Variants in ADGB observed in about 807,000 individuals in gnomAD.
ADGB encodes calpain-7-like protein.
ADGB carries 172 observed loss-of-function variants against 210.5 expected under a neutral mutation model. That is an observed-to-expected ratio of 0.82 (90% CI 0.72 to 0.93). The LOEUF is 0.93. ADGB is among the 40% of genes least tolerant of loss of function. ADGB has a pLI of 0.00. For synonymous variants in ADGB, 658 were observed against 662.7 expected, an observed-to-expected ratio of 0.99 and a Z score of 0.11; for missense variants, 2,025 against 1,964.8, an observed-to-expected ratio of 1.03 and a Z score of -0.58.
rs868155823 is a variant in ADGB at position 146,612,245 on chromosome 6, A to G, written c.74+13131A>G. Among the ~76,000 whole-genome samples, 11 of 152,122 alleles carry G rather than the reference A, an allele frequency of 7.2e-5. No individual in the cohort carries two copies. In the South Asian group the frequency reaches 1.2e-3, roughly 17 times the overall value. On this transcript the variant is annotated intron_variant, in intron 1 of 35. Transcript: ENST00000397944. ...TCTTCTTTCCCTTTTGATTGAAACAATTATTCTTTATTTAAGATTACTAAA... is the reference window on the plus strand; with the variant it reads ...TCTTCTTTCCCTTTTGATTGAAACAGTTATTCTTTATTTAAGATTACTAAA...
At position 146,672,321 on chromosome 6, in the gene ADGB, A is replaced by T. The variant is rs766701425; in HGVS notation, c.941A>T (p.Asp314Val). 72 of 1,551,330 alleles carry T rather than the reference A, an allele frequency of 4.6e-5. No individual in the cohort carries two copies. The African/African-American group carries it at 9.3e-4, about 20-fold the overall frequency. ...TCTGAAAGCAAAATAGCAGTGTTAG[A>T]TTCTAAATTAAAAGAACCAGGGAAA... Reference protein sequence around the residue: ...ASSESKIAVLDSKLKEPGKEG... With the variant: ...ASSESKIAVLVSKLKEPGKEG... The change falls in exon 8 of 36, where the codon GAT (aspartate) becomes GTT (valine). Residue 314 changes from aspartate (D) to valine (V), a missense_variant. Asp to Val is a radical substitution (Grantham distance 152). Coordinates refer to ENST00000397944, the MANE Select transcript of ADGB (RefSeq NM_024694.4).
chr6:146,713,070 G>A (rs1776682262), intron 13 of ADGB, among the ~76,000 whole-genome samples: 1 of 152,166 alleles, frequency 6.6e-6, no homozygotes, highest in African/African-American at 2.4e-5. Context: ...TTTCACCCGT[G>A]TTTGTACGTG....
chr6:146,654,271 C>A lies in ADGB; in HGVS notation c.402+65C>A, dbSNP rs1775745305. 7 of 1,094,070 alleles carry A rather than the reference C, an allele frequency of 6.4e-6. No individual in the cohort carries two copies. In the African/African-American group the frequency reaches 7.1e-5, roughly 11 times the overall value. 67.8% of individuals were successfully genotyped at this position (1,094,070 alleles called of 1,614,324 possible). On this transcript the variant is annotated intron_variant, in intron 4 of 35. Coordinates refer to ENST00000397944, the MANE Select transcript of ADGB (RefSeq NM_024694.4). The stretch of plus-strand genomic sequence containing the variant: ...GACTTCCAGTCCTGCTTAAACCATT[C>A]CCAGACAGTCGATTTCAACTCTCCC...
At chr6:146,701,131 A>G (rs1490764837) in intron 13 of ADGB, 61 bp downstream of exon 13, 1 of 1,496,782 alleles carries the variant, frequency 6.7e-7, no homozygotes, top group East Asian at 2.5e-5. Context: ...TTTTCCTTAC[A>G]TTGTGAAACA....
intron 14 of ADGB, among the ~76,000 whole-genome samples, chr6:146,716,211 C>T (rs143247293): frequency 1.3e-3 from 199 of 152,178 alleles, no homozygotes; most frequent in African/African-American, 4.6e-3. Flanking sequence ...TTGTCTGAGC[C>T]ACCCCCTCCT....
At chr6:146,799,673 T>A (rs1314717863) in intron 33 of ADGB, among the ~76,000 whole-genome samples, 1 of 151,782 alleles carries the variant, frequency 6.6e-6, no homozygotes, top group African/African-American at 2.4e-5. Flanking sequence ...TTTGAATATA[T>A]GTACCACTCT....
At chr6:146,617,145 T>C (rs1408880107) in intron 1 of ADGB, among the ~76,000 whole-genome samples, 1 of 152,150 alleles carries the variant, frequency 6.6e-6, no homozygotes, top group African/African-American at 2.4e-5. Flanking sequence ...TAGTTTTCTT[T>C]GTAGAGATCA....
intron 22 of ADGB, among the ~76,000 whole-genome samples, chr6:146,735,047 A>C (rs902404552): frequency 3.9e-5 from 6 of 151,956 alleles, no homozygotes; most frequent in African/African-American, 1.5e-4. Flanking sequence ...GTAAAAAAAA[A>C]AGAATCTATT....
chr6:146,714,390 T>C (rs1776702636), intron 13 of ADGB, among the ~76,000 whole-genome samples: 1 of 152,118 alleles, frequency 6.6e-6, no homozygotes, highest in South Asian at 2.1e-4. Flanking sequence ...GGGAATGGTA[T>C]ATACTTGTCC....
chr6:146,811,541 CAT>C (rs148380031), intron 35 of ADGB, among the ~76,000 whole-genome samples: 48,699 of 151,798 alleles, frequency 0.32, 8,472 homozygotes, highest in East Asian at 0.67. Flanking sequence ...AGATAAAAAT[CAT>C]TGCAAACAAT....
chr6:146,655,891 A>G (rs1458610849), intron 4 of ADGB, among the ~76,000 whole-genome samples: 1 of 152,206 alleles, frequency 6.6e-6, no homozygotes, highest in Non-Finnish European at 1.5e-5. Flanking sequence ...CAAGGTCAAT[A>G]TTAAATATTT....
chr6:146,714,867 T>A (rs555839409), intron 13 of ADGB, among the ~76,000 whole-genome samples: 36 of 152,356 alleles, frequency 2.4e-4, no homozygotes, highest in African/African-American at 8.4e-4. Context: ...TTTTACTTTT[T>A]ATATTTATTT....
At chr6:146,751,071 C>T (rs1173576736) in intron 26 of ADGB, among the ~76,000 whole-genome samples, 2 of 152,012 alleles carry the variant, frequency 1.3e-5, no homozygotes, top group East Asian at 3.9e-4. Context: ...CTATCAAACC[C>T]ATTACCTAGG....
chr6:146,767,349 A>G (rs1562296148), intron 28 of ADGB, among the ~76,000 whole-genome samples: 1 of 152,248 alleles, frequency 6.6e-6, no homozygotes, highest in Non-Finnish European at 1.5e-5. Context: ...AAACTTTAGA[A>G]CTAAGAGATT....
intron 30 of ADGB, among the ~76,000 whole-genome samples, chr6:146,784,338 T>A (rs1777842172): frequency 6.6e-6 from 1 of 152,172 alleles, no homozygotes; most frequent in Non-Finnish European, 1.5e-5. Flanking sequence ...CTGTGGTGTA[T>A]ATCAATAGTT....
At chr6:146,661,999 G>C (rs940072581) in intron 5 of ADGB, among the ~76,000 whole-genome samples, 3 of 152,092 alleles carry the variant, frequency 2.0e-5, no homozygotes, top group African/African-American at 4.8e-5. Context: ...CTGGCTCCTG[G>C]TGAGCAATCT....
chr6:146,603,091 C>A (rs2114821936), intron 1 of ADGB, among the ~76,000 whole-genome samples: 1 of 152,256 alleles, frequency 6.6e-6, no homozygotes, highest in Non-Finnish European at 1.5e-5. Flanking sequence ...AATTACCTCC[C>A]AAGGGCCCCA....
Position 146,715,391 on chromosome 6 carries a change from G to A in ADGB, c.1717G>A (p.Ala573Thr). 3 of 1,497,204 alleles carry A rather than the reference G, an allele frequency of 2.0e-6. No individual in the cohort carries two copies. Among genetic ancestry groups the A allele is most frequent in the Admixed American group, 2.6e-5 (1 of 38,802 alleles). The allele number at this position is 1,497,204 out of a possible 1,614,324, so 92.7% of individuals were successfully genotyped here. Residue 573 changes from alanine (A) to threonine (T), a missense_variant, in exon 14 of 36, where the codon GCT becomes ACT. Coordinates refer to ENST00000397944, the MANE Select transcript of ADGB (RefSeq NM_024694.4). ...TTCTTTTAATTCATAGGGAAATACTGCTTCACAAGTTATACTTGGAAAAGG... is the reference window on the plus strand; with the variant it reads ...TTCTTTTAATTCATAGGGAAATACTACTTCACAAGTTATACTTGGAAAAGG... ...ITKATSQGNT[A>T]SQVILGKGTD...
chr6:146,794,067 G>A (rs928777281), intron 33 of ADGB, among the ~76,000 whole-genome samples: 5 of 152,140 alleles, frequency 3.3e-5, no homozygotes, highest in African/African-American at 1.2e-4. Flanking sequence ...ATATGTAGGG[G>A]TATTAGTTGT....
Sources: gnomAD v4.1 joint callset for allele counts (sites outside exome capture counted in the v4.1 genomes callset) on GRCh38, gnomAD v4.1.1 for gene constraint, MANE v1.5 for transcripts, NCBI Gene and HGNC (gene_info 2026-07-23, HGNC 2026-07-21) for gene names.